The following FRMD4B variants were observed in gnomAD, a reference collection of about 807,000 sequenced individuals.
FRMD4B encodes the protein FERM domain containing 4B, also known as FERM domain-containing protein 4B.
FRMD4B carries 74 observed loss-of-function variants against 141.5 expected under a neutral mutation model. The ratio of observed to expected loss-of-function variants is 0.52; its 90% CI spans 0.43 to 0.63. The LOEUF (loss-of-function observed/expected upper bound fraction) is 0.63. Among genes scored for constraint, FRMD4B ranks in the 30% least tolerant of loss-of-function variants. FRMD4B has a pLI of 0.00. For synonymous variants in FRMD4B, 506 were observed against 467.9 expected, an observed-to-expected ratio of 1.08 and a Z score of -1.05; for missense variants, 1,366 against 1,253.4, an observed-to-expected ratio of 1.09 and a Z score of -1.36.
At chr3:69,241,374 G>A (rs1226647130) in intron 7 of FRMD4B, among the ~76,000 whole-genome samples, 1 of 152,190 alleles carries the variant, frequency 6.6e-6, no homozygotes, top group Non-Finnish European at 1.5e-5. Context: ...TAGCGCTCAT[G>A]AGCAGATTGA....
At chr3:69,424,154 C>T (rs1263400046) in intron 2 of FRMD4B, among the ~76,000 whole-genome samples, 2 of 152,198 alleles carry the variant, frequency 1.3e-5, no homozygotes, top group African/African-American at 4.8e-5. Context: ...AGGTTATGTA[C>T]TGACTGGCTG....
At chr3:69,444,196 T>C (rs1198420720) in intron 1 of FRMD4B, among the ~76,000 whole-genome samples, 1 of 152,156 alleles carries the variant, frequency 6.6e-6, no homozygotes, top group East Asian at 1.9e-4. Context: ...CTGATTTGAG[T>C]AACAGCCCCA....
At chr3:69,539,442 A>G (rs1049179325) in intron 1 of FRMD4B, among the ~76,000 whole-genome samples, 11 of 152,190 alleles carry the variant, frequency 7.2e-5, no homozygotes, top group Non-Finnish European at 1.3e-4. Context: ...CTCAAATGCA[A>G]CCATCTGCCT....
At chr3:69,368,058 T>C (rs1321241164) in intron 1 of FRMD4B, among the ~76,000 whole-genome samples, 1 of 152,236 alleles carries the variant, frequency 6.6e-6, no homozygotes, top group Non-Finnish European at 1.5e-5. Flanking sequence ...CTTTTTTTAT[T>C]TTACCTCTTT....
At chr3:69,235,929 T>C (rs187723167) in intron 7 of FRMD4B, among the ~76,000 whole-genome samples, 85 of 152,184 alleles carry the variant, frequency 5.6e-4, no homozygotes, top group African/African-American at 2.0e-3. Flanking sequence ...GGACAGGAAA[T>C]AGGGAAGGAG....
At chr3:69,536,308 T>C (rs1701083966) in intron 1 of FRMD4B, 1 of 644,812 alleles carries the variant, frequency 1.6e-6, no homozygotes, top group Non-Finnish European at 2.8e-6. Flanking sequence ...TTTCCTCTTG[T>C]GCTTGGGATC....
chr3:69,260,500 C>A (rs370070020), intron 5 of FRMD4B, among the ~76,000 whole-genome samples: 331 of 152,340 alleles, frequency 2.2e-3, no homozygotes, highest in African/African-American at 7.7e-3. Flanking sequence ...CCAGCCTCAG[C>A]CACCTCCCCA....
intron 1 of FRMD4B, among the ~76,000 whole-genome samples, chr3:69,471,163 G>T (rs79633641): frequency 1.3e-5 from 2 of 152,130 alleles, no homozygotes; most frequent in African/African-American, 4.8e-5. Flanking sequence ...AAGGGGTTTG[G>T]TGAGTTTTTT....
intron 7 of FRMD4B, among the ~76,000 whole-genome samples, chr3:69,241,279 G>C (rs61447772): frequency 0.032 from 4,923 of 152,226 alleles, 286 homozygotes; most frequent in African/African-American, 0.11. Context: ...TGATTCTATG[G>C]TTCATAGAGT....
chr3:69,524,352 G>T (rs979431838), intron 1 of FRMD4B, among the ~76,000 whole-genome samples: 1 of 152,178 alleles, frequency 6.6e-6, no homozygotes, highest in African/African-American at 2.4e-5. Context: ...ATGTCACCCA[G>T]TTGTTAAGTC....
intron 1 of FRMD4B, chr3:69,472,073 C>T (rs1705902171): frequency 6.0e-6 from 1 of 167,398 alleles, no homozygotes; most frequent in Non-Finnish European, 1.3e-5. Context: ...AATGATCCTT[C>T]CATGGAAAGT....
At position 69,197,032 on chromosome 3, in the gene FRMD4B, T is replaced by G. The variant is rs573659308; in HGVS notation, c.960A>C (p.Ser320=). Reference sequence around the variant, plus strand: ...TTTGCCCAAAGGTTCTTCTTGAAACTGAAATCCTGAAAGATTAAAGAAAGC... The same window carrying G: ...TTTGCCCAAAGGTTCTTCTTGAAACGGAAATCCTGAAAGATTAAAGAAAGC... ...AVEVHDPRRI[S]VSRRTFGQSG... The change falls in exon 13 of 23, where the codon TCA becomes TCC. Residue 320 remains serine (S), a synonymous_variant. Transcript: ENST00000398540. 1.9e-4 allele frequency: 303 copies of G among 1,610,310 alleles called. 1 individual carries two copies. In the South Asian group the frequency reaches 3.1e-3, roughly 16 times the overall value.
intron 5 of FRMD4B, among the ~76,000 whole-genome samples, chr3:69,259,936 C>T (rs1309279465): frequency 6.6e-6 from 1 of 152,204 alleles, no homozygotes; most frequent in Non-Finnish European, 1.5e-5. Context: ...GGACTACAGG[C>T]ACTGGCCACC....
intron 1 of FRMD4B, among the ~76,000 whole-genome samples, chr3:69,348,568 C>T (rs935451957): frequency 2.6e-5 from 4 of 152,258 alleles, no homozygotes; most frequent in South Asian, 2.1e-4. Context: ...TGATGAACAT[C>T]GATGCAAAGA....
intron 1 of FRMD4B, among the ~76,000 whole-genome samples, chr3:69,454,715 C>T (rs373715436): frequency 2.6e-5 from 4 of 152,336 alleles, no homozygotes; most frequent in Admixed American, 6.5e-5. Context: ...GCCTGAGCCC[C>T]GCAGTGGGCT....
In FRMD4B at chr3:69,322,594, C is replaced by CTTT. The variant is rs771521331; in HGVS notation, c.163-9080_163-9078dup. Among the ~76,000 whole-genome samples, 610 of 81,348 alleles carry CTTT rather than the reference C, an allele frequency of 7.5e-3. 10 individuals carry two copies. Among genetic ancestry groups the CTTT allele is most frequent in the African/African-American group, 0.021 (577 of 27,626 alleles). 53.4% of individuals were successfully genotyped at this position (81,348 alleles called of 152,430 possible). ...TCATTGTTTAGATTTTTCTCTCTCTCTTTTTTTTTTTTTTTTTTTTGAGAC... is the reference window on the plus strand; with the variant it reads ...TCATTGTTTAGATTTTTCTCTCTCTCTTTTTTTTTTTTTTTTTTTTTTTGAGAC... On this transcript the variant is annotated intron_variant, in intron 1 of 22. Transcript: ENST00000398540.
intron 1 of FRMD4B, among the ~76,000 whole-genome samples, chr3:69,343,672 C>T (rs955985383): frequency 4.6e-5 from 7 of 151,142 alleles, no homozygotes; most frequent in South Asian, 4.2e-4. Flanking sequence ...CTCCACCTCC[C>T]GGGTTCAAGT....
intron 9 of FRMD4B, among the ~76,000 whole-genome samples, chr3:69,221,144 G>A (rs1307032695): frequency 3.3e-5 from 5 of 151,990 alleles, no homozygotes; most frequent in Non-Finnish European, 7.4e-5. Context: ...TGTATTTTTA[G>A]TGGAGATGGG....
intron 2 of FRMD4B, among the ~76,000 whole-genome samples, chr3:69,403,112 G>C (rs908023357): frequency 3.9e-5 from 6 of 152,182 alleles, no homozygotes; most frequent in African/African-American, 1.4e-4. Flanking sequence ...GGCTAAATCA[G>C]ATCCCCTCTA....
Sources: allele counts gnomAD v4.1 joint callset (sites outside exome capture counted in the v4.1 genomes callset), GRCh38; gene constraint gnomAD v4.1.1; transcripts MANE v1.5; gene names NCBI Gene and HGNC (gene_info 2026-07-23, HGNC 2026-07-21).